Variants in KCND3 observed in about 807,000 individuals in gnomAD.
KCND3 encodes the protein potassium voltage-gated channel subfamily D member 3, also known as A-type voltage-gated potassium channel KCND3.
In KCND3, 9 loss-of-function variants were observed where a neutral mutation model predicts 51.1. The observed-to-expected ratio is 0.18, with a 90% CI of 0.11 to 0.31. The LOEUF is 0.31. KCND3 is among the 10% of genes least tolerant of loss of function. The pLI is 1.00. For synonymous variants in KCND3, 349 were observed against 368.0 expected (o/e 0.95, Z 0.59); for missense variants, 526 against 903.8 (o/e 0.58, Z 5.36).
At chr1:111,815,310 C>T (rs1018108025) in intron 2 of KCND3, among the ~76,000 whole-genome samples, 1 of 152,002 alleles carries the variant, frequency 6.6e-6, no homozygotes, top group African/African-American at 2.4e-5. Flanking sequence ...CTTCTTTCCT[C>T]TTCTCCTTCT....
intron 2 of KCND3, among the ~76,000 whole-genome samples, chr1:111,952,890 AGACCTTCC>A (rs1673129857): frequency 6.6e-6 from 1 of 152,174 alleles, no homozygotes; most frequent in Admixed American, 6.5e-5. Flanking sequence ...CTCTTGCAGA[AGACCTTCC>A]CCCAAGCCAA....
At chr1:111,926,128 C>T (rs546256214) in intron 2 of KCND3, among the ~76,000 whole-genome samples, 3 of 152,276 alleles carry the variant, frequency 2.0e-5, no homozygotes, top group East Asian at 3.9e-4. Flanking sequence ...GTGTGTGATT[C>T]ACTCCACAGT....
chr1:111,865,805 A>G (rs1377507980), intron 2 of KCND3, among the ~76,000 whole-genome samples: 1 of 152,172 alleles, frequency 6.6e-6, no homozygotes, highest in African/African-American at 2.4e-5. Flanking sequence ...CCTGGATTCA[A>G]CTGATCCACC....
At chr1:111,903,459 C>T (rs1670489367) in intron 2 of KCND3, among the ~76,000 whole-genome samples, 1 of 152,214 alleles carries the variant, frequency 6.6e-6, no homozygotes, top group Non-Finnish European at 1.5e-5. Context: ...CTCCGAAAGC[C>T]TCTTCTCTGC....
At chr1:111,838,413 G>A (rs866797637) in intron 2 of KCND3, among the ~76,000 whole-genome samples, 4 of 152,132 alleles carry the variant, frequency 2.6e-5, no homozygotes, top group Non-Finnish European at 2.9e-5. Flanking sequence ...ATCCCAGCGC[G>A]TTGGGAGGCC....
intron 2 of KCND3, among the ~76,000 whole-genome samples, chr1:111,859,935 G>A (rs890828672): frequency 1.3e-5 from 2 of 152,224 alleles, no homozygotes; most frequent in Admixed American, 6.5e-5. Context: ...GGCGGGAGGT[G>A]TGAGAGAGCC....
chr1:111,791,023 C>A (rs904741582), intron 2 of KCND3, among the ~76,000 whole-genome samples: 1 of 152,202 alleles, frequency 6.6e-6, no homozygotes. Context: ...AATAATGCTG[C>A]TATGAACATT....
intron 2 of KCND3, among the ~76,000 whole-genome samples, chr1:111,834,777 T>C (rs1666997777): frequency 6.6e-6 from 1 of 152,228 alleles, no homozygotes; most frequent in Non-Finnish European, 1.5e-5. Flanking sequence ...CATCTTTTTA[T>C]AAGGGATGAT....
At chr1:111,855,258 A>T (rs188799087) in intron 2 of KCND3, among the ~76,000 whole-genome samples, 1 of 152,200 alleles carries the variant, frequency 6.6e-6, no homozygotes, top group Non-Finnish European at 1.5e-5. Context: ...CCAGTTGGGC[A>T]GCCTCCAGTC....
At chr1:111,865,588 T>C (rs1479894848) in intron 2 of KCND3, among the ~76,000 whole-genome samples, 1 of 152,270 alleles carries the variant, frequency 6.6e-6, no homozygotes, top group Admixed American at 6.5e-5. Flanking sequence ...ATAATGTCTC[T>C]GAAAGAGGAT....
intron 2 of KCND3, among the ~76,000 whole-genome samples, chr1:111,891,980 C>G (rs200781028): frequency 1.7e-3 from 256 of 147,138 alleles, no homozygotes; most frequent in Middle Eastern, 7.0e-3. Flanking sequence ...GTGTGTGTGT[C>G]TGTGTGTGTG....
intron 2 of KCND3, among the ~76,000 whole-genome samples, chr1:111,977,428 G>C (rs1174637644): frequency 6.6e-6 from 1 of 152,174 alleles, no homozygotes; most frequent in Non-Finnish European, 1.5e-5. Context: ...GCGGCTTCCT[G>C]CTTGGAAGAA....
chr1:111,852,871 C>T (rs1011389514), intron 2 of KCND3, among the ~76,000 whole-genome samples: 7 of 152,138 alleles, frequency 4.6e-5, no homozygotes, highest in Admixed American at 1.3e-4. Flanking sequence ...CCGCTCTGCC[C>T]GTGCTTCCTC....
chr1:111,951,441 T>A (rs1294672958), intron 2 of KCND3, among the ~76,000 whole-genome samples: 1 of 152,168 alleles, frequency 6.6e-6, no homozygotes, highest in East Asian at 1.9e-4. Context: ...AATTGGGAAC[T>A]GCTTATAATC....
chr1:111,865,930 T>C (rs1668542205), intron 2 of KCND3, among the ~76,000 whole-genome samples: 1 of 152,182 alleles, frequency 6.6e-6, no homozygotes, highest in African/African-American at 2.4e-5. Flanking sequence ...GGTCTTAAAC[T>C]CCTGGGCTCA....
intron 3 of KCND3, among the ~76,000 whole-genome samples, chr1:111,781,736 T>A (rs1664397910): frequency 6.6e-6 from 1 of 152,126 alleles, no homozygotes; most frequent in Non-Finnish European, 1.5e-5. Context: ...ACCATGTTGA[T>A]ACCATGCAGG....
chr1:111,870,231 C>A (rs1668770857), intron 2 of KCND3, among the ~76,000 whole-genome samples: 1 of 152,238 alleles, frequency 6.6e-6, no homozygotes, highest in Admixed American at 6.5e-5. Context: ...TACTTGCCTA[C>A]TGCCACAGCT....
intron 1 of KCND3, among the ~76,000 whole-genome samples, chr1:111,984,162 A>C (rs1036124316): frequency 6.6e-6 from 1 of 152,202 alleles, no homozygotes; most frequent in African/African-American, 2.4e-5. Flanking sequence ...GAGTCTTGGA[A>C]AATTTTTTCT....
At chr1:111,823,057 G>A (rs779505859) in intron 2 of KCND3, among the ~76,000 whole-genome samples, 30 of 152,180 alleles carry the variant, frequency 2.0e-4, no homozygotes, top group Non-Finnish European at 3.8e-4. Context: ...CCACGGGGTG[G>A]CTATGGGCGG....
Sources: allele counts gnomAD v4.1 joint callset (sites outside exome capture counted in the v4.1 genomes callset), GRCh38; gene constraint gnomAD v4.1.1; transcripts MANE v1.5; gene names NCBI Gene and HGNC (gene_info 2026-07-23, HGNC 2026-07-21).